GATC: variants seen among roughly 807,000 people sequenced by gnomAD.
GATC encodes the protein glutamyl-tRNA amidotransferase subunit C.
GATC carries 11 observed loss-of-function variants against 14.4 expected under a neutral mutation model. That is an observed-to-expected ratio of 0.77 (90% CI 0.48 to 1.27). The LOEUF (loss-of-function observed/expected upper bound fraction) is 1.27. GATC is among the 50% of genes most tolerant of loss of function. The pLI, the probability that GATC is intolerant of heterozygous loss-of-function variation, is 0.00. For synonymous variants in GATC, 76 were observed against 79.3 expected (o/e 0.96, Z 0.22); for missense variants, 204 against 183.0 (o/e 1.11, Z -0.66).
chr12:120,462,749 A>C lies in GATC; in HGVS notation c.*2790A>C, dbSNP rs1878385922. 6.6e-6 allele frequency: 1 copy of C among 152,240 alleles called. No individual in the cohort carries two copies. The highest frequency in any genetic ancestry group is 2.1e-4 in the South Asian group (1 of 4,834). The allele number at this position is 152,240 out of a possible 1,614,324, so 9.4% of individuals were successfully genotyped here. A position where few individuals can be genotyped will look rare whatever the true frequency, so the allele number is the denominator to read the frequency against. On this transcript the variant is annotated 3_prime_UTR_variant, in exon 4 of 4. Coordinates refer to ENST00000551765, the MANE Select transcript of GATC (RefSeq NM_176818.3). ...GTAAGGAATTAATAAGCAGCAGAGG[A>C]GTCATGTCCAGGCTGGCTTGTCCCC...
At chr12:120,446,937 TTCAGGAA>T in intron 2 of GATC, 108 bp downstream of exon 2, 1 of 1,107,408 alleles carries the variant, frequency 9.0e-7, no homozygotes, top group South Asian at 1.6e-5. Flanking sequence ...GTTAGCAAGA[TTCAGGAA>T]CTTGCCCACA....
chr12:120,462,299 A>G lies in GATC; in HGVS notation c.*2340A>G, dbSNP rs1030875996. ...TCTGTGCCTGGCATGAGGCTATCTC[A>G]TTAAACCTTCATAACATTATGAGGT... On this transcript the variant is annotated 3_prime_UTR_variant, in exon 4 of 4. Coordinates refer to ENST00000551765, the MANE Select transcript of GATC (RefSeq NM_176818.3). 9.3e-6 allele frequency: 8 copies of G among 858,088 alleles called. No individual in the cohort carries two copies. The highest frequency in any genetic ancestry group is 1.0e-5 in the Non-Finnish European group (6 of 577,234). 53.2% of individuals were successfully genotyped at this position (858,088 alleles called of 1,614,324 possible). A position where few individuals can be genotyped will look rare whatever the true frequency, so the allele number is the denominator to read the frequency against.
At chr12:120,451,876 T>TTTTTTTTTTTTTTTTTC (rs1878058673) in intron 2 of GATC, among the ~76,000 whole-genome samples, 1 of 105,680 alleles carries the variant, frequency 9.5e-6, no homozygotes, top group Admixed American at 1.0e-4. Context: ...ATATAAATTC[T>TTTTTTTTTTTTTTTTTC]TTTTTTTTTT....
chr12:120,446,622 G>A (rs1345183189), intron 1 of GATC, 35 bp from the exon 2 acceptor site: 4 of 1,594,338 alleles, frequency 2.5e-6, no homozygotes, highest in African/African-American at 2.7e-5. Flanking sequence ...TCGGAGCGCC[G>A]GTGACCCACA....
intron 2 of GATC, among the ~76,000 whole-genome samples, chr12:120,447,859 G>A (rs1447025299): frequency 6.6e-6 from 1 of 152,054 alleles, no homozygotes; most frequent in African/African-American, 2.4e-5. Flanking sequence ...AGACTCAAGA[G>A]AGCCTCCCAT....
chr12:120,446,863 C>G, intron 2 of GATC, 34 bp downstream of exon 2: 1 of 1,556,432 alleles, frequency 6.4e-7, no homozygotes, highest in Non-Finnish European at 8.7e-7. Flanking sequence ...AAGCCTTGAC[C>G]GTGGCCCGTT....
chr12:120,448,680 C>T (rs1180954520), intron 2 of GATC, among the ~76,000 whole-genome samples: 4 of 119,290 alleles, frequency 3.4e-5, no homozygotes, highest in African/African-American at 1.0e-4. Flanking sequence ...GAGTTTCACT[C>T]TTCCACCCAG....
intron 3 of GATC, among the ~76,000 whole-genome samples, chr12:120,459,286 C>T (rs565643474): frequency 3.2e-4 from 48 of 152,198 alleles, no homozygotes; most frequent in Non-Finnish European, 5.7e-4. Flanking sequence ...ATCAGACATG[C>T]TATCTCCCAC....
At chr12:120,455,927 C>G (rs557286431) in intron 2 of GATC, among the ~76,000 whole-genome samples, 1 of 152,156 alleles carries the variant, frequency 6.6e-6, no homozygotes. Flanking sequence ...ACCTCGTGAT[C>G]CGCCCACCTC....
intron 2 of GATC, chr12:120,450,659 T>G (rs1406532601): frequency 1.3e-5 from 2 of 155,170 alleles, no homozygotes; most frequent in African/African-American, 2.4e-5. Context: ...CATTGCAAAT[T>G]TCCGGTCTCT....
rs756353947 is a variant in GATC at position 120,446,541 on chromosome 12, A to G, written c.61A>G (p.Thr21Ala). ...RAPLGGRQGF[T>A]SKADPQGSGR... The stretch of plus-strand genomic sequence containing the variant: ...CCCTCTGGGCGGGCGCCAGGGCTTC[A>G]CCTCCAAGGCGGATCCTCAGGTAAA... Residue 21 changes from threonine to alanine, a missense_variant, in exon 1 of 4, where the codon ACC (threonine) becomes GCC (alanine). Coordinates refer to ENST00000551765, the MANE Select transcript of GATC (RefSeq NM_176818.3). 122 of 1,600,744 alleles carry G rather than the reference A, an allele frequency of 7.6e-5. No homozygotes were observed. The South Asian group carries it at 1.3e-3, about 17-fold the overall frequency.
Position 120,462,342 on chromosome 12 carries a change from C to A in GATC, c.*2383C>A. ...TATGAGGTAGGTACTCTTACTATCCCATTTCAAGAATGAAGAAAATTAAGA... is the reference window on the plus strand; with the variant it reads ...TATGAGGTAGGTACTCTTACTATCCAATTTCAAGAATGAAGAAAATTAAGA... On this transcript the variant is annotated 3_prime_UTR_variant, in exon 4 of 4. Coordinates refer to ENST00000551765, the MANE Select transcript of GATC (RefSeq NM_176818.3). 1 of 534,224 alleles carries A rather than the reference C, an allele frequency of 1.9e-6. No individual in the cohort carries two copies. The highest frequency in any genetic ancestry group is 4.0e-5 in the South Asian group (1 of 24,720). The allele number at this position is 534,224 out of a possible 1,614,324, so 33.1% of individuals were successfully genotyped here.
At chr12:120,455,075 A>G (rs371401392) in intron 2 of GATC, 27 of 393,474 alleles carry the variant, frequency 6.9e-5, no homozygotes, top group African/African-American at 4.9e-4. Context: ...TTTAGTAGAG[A>G]CAGGGTTTCA....
At position 120,446,674 on chromosome 12, in the gene GATC, G is replaced by A; in HGVS notation, c.99G>A (p.Thr33=). 6.2e-7 allele frequency: 1 copy of A among 1,612,816 alleles called. No individual in the cohort carries two copies. Among genetic ancestry groups the A allele is most frequent in the Non-Finnish European group, 8.5e-7 (1 of 1,179,554 alleles). Residue 33 remains threonine, a synonymous_variant, in exon 2 of 4, where the codon ACG becomes ACA. Coordinates refer to ENST00000551765, the MANE Select transcript of GATC (RefSeq NM_176818.3). The part of the protein sequence containing the change: ...KADPQGSGRI[T]AAVIEHLERL... ...TCCTCCAGGGCAGTGGCCGGATCAC[G>A]GCTGCGGTGATCGAGCACCTGGAGC...
At chr12:120,451,884 T>TTTTTTTTTTTTTTTTTTG (rs1878060771) in intron 2 of GATC, among the ~76,000 whole-genome samples, 1 of 129,372 alleles carries the variant, frequency 7.7e-6, no homozygotes, top group Non-Finnish European at 1.7e-5. Flanking sequence ...TCTTTTTTTT[T>TTTTTTTTTTTTTTTTTTG]TTTTTTTTTT....
rs1878296893 is a variant in GATC, at chr12:120,460,210, G to T, written c.*251G>T. 1 of 420,238 alleles carries T rather than the reference G, an allele frequency of 2.4e-6. No homozygotes were observed. Among genetic ancestry groups the T allele is most frequent in the South Asian group, 2.6e-5 (1 of 38,796 alleles). The allele number at this position is 420,238 out of a possible 1,614,324, so 26.0% of individuals were successfully genotyped here. ...AGCTTCCAAGGAATTCACTTAACAG[G>T]CCTGTTCAGTATGGAAGACATTATT... On this transcript the variant is annotated 3_prime_UTR_variant, in exon 4 of 4. Coordinates refer to ENST00000551765, the MANE Select transcript of GATC (RefSeq NM_176818.3).
chr12:120,451,871 A>ATTTTTTTTTTTTTTTTTT, intron 2 of GATC, among the ~76,000 whole-genome samples: 1 of 97,790 alleles, frequency 1.0e-5, no homozygotes, highest in African/African-American at 4.3e-5. Flanking sequence ...AAATTATATA[A>ATTTTTTTTTTTTTTTTTT]ATTCTTTTTT....
In GATC at chr12:120,463,144, G is replaced by A. The variant is rs1448738826; in HGVS notation, c.*3185G>A. On this transcript the variant is annotated 3_prime_UTR_variant, in exon 4 of 4. Coordinates refer to ENST00000551765, the MANE Select transcript of GATC (RefSeq NM_176818.3). ...ACAATGTCCAACTGGTCTGGTTTCT[G>A]GTCTCAATGGTACCAAAGGGATAGT... The A allele has an allele frequency of 6.6e-6, 1 of 151,896 alleles. No homozygotes were observed. The highest frequency in any genetic ancestry group is 1.5e-5 in the Non-Finnish European group (1 of 68,002). The allele number at this position is 151,896 out of a possible 1,614,324, so 9.4% of individuals were successfully genotyped here.
chr12:120,457,019 C>T (rs1308623284), intron 2 of GATC, 57 bp from the exon 3 acceptor site: 14 of 1,106,448 alleles, frequency 1.3e-5, no homozygotes, highest in Middle Eastern at 3.9e-4. Flanking sequence ...CCCTCTCCAT[C>T]ATCCCCTAAA....
Sources: allele counts gnomAD v4.1 joint callset (sites outside exome capture counted in the v4.1 genomes callset), GRCh38; gene constraint gnomAD v4.1.1; transcripts MANE v1.5; gene names NCBI Gene and HGNC (gene_info 2026-07-23, HGNC 2026-07-21).